The following DMD variants were observed in gnomAD, a reference collection of about 807,000 sequenced individuals.
The protein encoded by DMD is dystrophin.
DMD carries 63 observed loss-of-function variants against 330.1 expected under a neutral mutation model. The ratio of observed to expected loss-of-function variants is 0.19; its 90% CI spans 0.16 to 0.24. The LOEUF (loss-of-function observed/expected upper bound fraction) is 0.24. Among genes scored for constraint, DMD ranks in the 10% least tolerant of loss-of-function variants. DMD has a pLI of 1.00. For synonymous variants in DMD, 1,223 were observed against 959.8 expected, an observed-to-expected ratio of 1.27 and a Z score of -5.07; for missense variants, 3,344 against 2,684.1, an observed-to-expected ratio of 1.25 and a Z score of -5.43.
chrX:31,657,704 A>C (rs376550114), intron 54 of DMD, among the ~76,000 whole-genome samples: 67 of 112,229 alleles, frequency 6.0e-4, no homozygotes, highest in African/African-American at 2.0e-3. Context: ...GAGTTATCAA[A>C]GTAGACTGAT....
intron 21 of DMD, among the ~76,000 whole-genome samples, chrX:32,479,577 G>A (rs1046684010): frequency 1.8e-5 from 2 of 109,589 alleles, no homozygotes; most frequent in African/African-American, 3.3e-5. Context: ...CCTAATGTCC[G>A]CCAGTTCTAT....
intron 17 of DMD, among the ~76,000 whole-genome samples, chrX:32,533,331 C>A (rs1464664042): frequency 8.9e-6 from 1 of 111,772 alleles, no homozygotes; most frequent in African/African-American, 3.3e-5. Context: ...TCATTCCTTA[C>A]TTCTAAACTT....
Position 33,332,752 on chromosome X carries a change from GC to G in DMD, c.7+6506del, listed in dbSNP as rs761695528. The stretch of plus-strand genomic sequence containing the variant: ...ATCAAATATTTTTAAACTTCTAGGA[GC>G]TTTTTGTTTGCTTTTTTGTTATTTT... On this transcript the variant is annotated intron_variant, in intron 1 of 17. Transcript: ENST00000288447. Among the ~76,000 whole-genome samples, 60 of 111,432 alleles carry G rather than the reference GC, an allele frequency of 5.4e-4. 3 individuals are homozygous for G. The East Asian group carries it at 0.014, about 26-fold the overall frequency.
At chrX:33,320,504 C>T (rs1297987526) in intron 1 of DMD, among the ~76,000 whole-genome samples, 1 of 111,988 alleles carries the variant, frequency 8.9e-6, no homozygotes, top group East Asian at 2.8e-4. Flanking sequence ...CATACCTTAA[C>T]AAAAACATAA....
At chrX:32,252,865 T>C (rs1292984947) in intron 43 of DMD, among the ~76,000 whole-genome samples, 1 of 73,288 alleles carries the variant, frequency 1.4e-5, no homozygotes. Context: ...TATATAAATA[T>C]ATAAATATAT....
Position 32,364,663 on chromosome X carries a change from G to T in DMD, c.5073C>A (p.Ile1691=), listed in dbSNP as rs2147253838. The T allele has an allele frequency of 3.3e-6, 4 of 1,209,273 alleles. No homozygotes were observed. Among genetic ancestry groups the T allele is most frequent in the Non-Finnish European group, 3.4e-6 (3 of 893,497 alleles). ...METFDQNVDH[I]TKWIIQADTL... ...TGTCAGCCTGAATGATCCACTTTGTGATGTGGTCCACATTCTGGTCAAAAG... is the reference window on the plus strand; with the variant it reads ...TGTCAGCCTGAATGATCCACTTTGTTATGTGGTCCACATTCTGGTCAAAAG... The change falls in exon 36 of 79, where the codon ATC becomes ATA. Residue 1691 remains isoleucine, a synonymous_variant. Coordinates refer to ENST00000357033, the MANE Select transcript of DMD (RefSeq NM_004006.3).
chrX:32,764,894 T>G (rs1339277128), intron 7 of DMD, among the ~76,000 whole-genome samples: 2 of 110,499 alleles, frequency 1.8e-5, no homozygotes, highest in Non-Finnish European at 3.8e-5. Context: ...AGGTTTTACA[T>G]TCCCTCCAGC....
chrX:32,574,659 TCATA>T (rs891119316), intron 13 of DMD, among the ~76,000 whole-genome samples: 1 of 111,691 alleles, frequency 9.0e-6, no homozygotes, highest in African/African-American at 3.3e-5. Flanking sequence ...ACTTATTTTC[TCATA>T]TATATATTGG....
intron 60 of DMD, among the ~76,000 whole-genome samples, chrX:31,398,125 C>T (rs1362954461): frequency 4.5e-5 from 5 of 112,290 alleles, no homozygotes; most frequent in Non-Finnish European, 9.4e-5. Flanking sequence ...ATCCTCACTA[C>T]AACCCTATGA....
At chrX:32,711,524 G>A (rs1269540191) in intron 7 of DMD, among the ~76,000 whole-genome samples, 2 of 111,404 alleles carry the variant, frequency 1.8e-5, no homozygotes, top group Non-Finnish European at 3.8e-5. Flanking sequence ...GACGGTTTTG[G>A]CCCCAAGAGT....
intron 17 of DMD, among the ~76,000 whole-genome samples, chrX:32,537,964 C>T (rs979159494): frequency 1.6e-4 from 18 of 112,383 alleles, no homozygotes; most frequent in African/African-American, 5.8e-4. Flanking sequence ...CATTTCTATT[C>T]ACAGCTTGAA....
intron 44 of DMD, among the ~76,000 whole-genome samples, chrX:32,082,420 CTATCT>C (rs1332234435): frequency 1.8e-5 from 2 of 109,260 alleles, no homozygotes; most frequent in African/African-American, 6.7e-5. Context: ...ATCTATCTAT[CTATCT>C]ATCTATCTAT....
intron 1 of DMD, among the ~76,000 whole-genome samples, chrX:33,099,127 G>A (rs1019995444): frequency 8.9e-6 from 1 of 112,003 alleles, no homozygotes; most frequent in East Asian, 2.8e-4. Flanking sequence ...AGCACAGGTC[G>A]TTTAATAAAT....
intron 62 of DMD, among the ~76,000 whole-genome samples, chrX:31,275,429 A>G (rs2052031630): frequency 9.0e-6 from 1 of 110,996 alleles, no homozygotes. Context: ...TTAGGACATC[A>G]AAGCACATTA....
At chrX:33,199,046 G>A in intron 1 of DMD, among the ~76,000 whole-genome samples, 1 of 110,986 alleles carries the variant, frequency 9.0e-6, no homozygotes, top group Non-Finnish European at 1.9e-5. Context: ...GATAGGAGAG[G>A]TAGGCAGTGT....
At chrX:32,785,821 T>A (rs933731286) in intron 7 of DMD, among the ~76,000 whole-genome samples, 2 of 111,868 alleles carry the variant, frequency 1.8e-5, no homozygotes, top group Non-Finnish European at 3.8e-5. Context: ...GTCTCATTTT[T>A]ATATCGTTGT....
At chrX:33,221,006 A>G (rs180691086) in intron 1 of DMD, among the ~76,000 whole-genome samples, 18 of 112,226 alleles carry the variant, frequency 1.6e-4, no homozygotes, top group Admixed American at 1.3e-3. Context: ...CCAGATCATC[A>G]TAAAATTTAA....
chrX:32,070,469 A>T (rs189881905), intron 44 of DMD, among the ~76,000 whole-genome samples: 1 of 111,475 alleles, frequency 9.0e-6, no homozygotes, highest in Non-Finnish European at 1.9e-5. Flanking sequence ...TGTCACTTAC[A>T]TCATGCTTCC....
At chrX:33,157,606 C>T (rs1389073209) in intron 1 of DMD, among the ~76,000 whole-genome samples, 1 of 112,368 alleles carries the variant, frequency 8.9e-6, no homozygotes, top group East Asian at 2.8e-4. Flanking sequence ...CTACTACATC[C>T]AACTTAGCAG....
Sources: allele counts gnomAD v4.1 joint callset (sites outside exome capture counted in the v4.1 genomes callset), GRCh38; gene constraint gnomAD v4.1.1; transcripts MANE v1.5; gene names NCBI Gene and HGNC (gene_info 2026-07-23, HGNC 2026-07-21).